Variants in CHRM3 observed in about 807,000 individuals in gnomAD.
The protein encoded by CHRM3 is cholinergic receptor muscarinic 3.
CHRM3 carries 11 observed loss-of-function variants against 41.8 expected under a neutral mutation model. That is an observed-to-expected ratio of 0.26 (90% CI 0.17 to 0.44). CHRM3 has a LOEUF of 0.44. Ranked by LOEUF, CHRM3 falls within the 20% of genes least tolerant of loss-of-function variation. CHRM3 has a pLI of 1.00. For missense variants in CHRM3, 571 were observed against 745.4 expected (o/e 0.77, Z 2.72); for synonymous variants, 297 against 301.4 (o/e 0.99, Z 0.15).
intron 2 of CHRM3, among the ~76,000 whole-genome samples, chr1:239,531,484 G>A (rs548433344): frequency 5.3e-5 from 8 of 151,848 alleles, no homozygotes; most frequent in East Asian, 3.9e-4. Context: ...GTTTGATCAC[G>A]TCAATACACA....
At chr1:239,408,972 G>A (rs1336240090) in intron 1 of CHRM3, among the ~76,000 whole-genome samples, 4 of 151,984 alleles carry the variant, frequency 2.6e-5, no homozygotes, top group Admixed American at 6.6e-5. Flanking sequence ...TACATTACTC[G>A]GCTGGTCTCC....
chr1:239,564,383 C>T (rs931037300), intron 3 of CHRM3, among the ~76,000 whole-genome samples: 1 of 151,988 alleles, frequency 6.6e-6, no homozygotes, highest in Non-Finnish European at 1.5e-5. Context: ...TTAAATCACG[C>T]AATTTAAAAT....
intron 4 of CHRM3, among the ~76,000 whole-genome samples, chr1:239,665,521 T>C (rs1673692815): frequency 6.6e-6 from 1 of 152,180 alleles, no homozygotes; most frequent in Admixed American, 6.6e-5. Flanking sequence ...TTTTGGAATG[T>C]TTCTTTTTTA....
chr1:239,438,080 G>C (rs778228490), intron 1 of CHRM3, among the ~76,000 whole-genome samples: 9 of 152,060 alleles, frequency 5.9e-5, no homozygotes, highest in Non-Finnish European at 1.2e-4. Context: ...CTTCTTCACT[G>C]TTATTTCTCT....
intron 6 of CHRM3, among the ~76,000 whole-genome samples, chr1:239,895,290 T>C (rs893966628): frequency 4.0e-5 from 6 of 151,388 alleles, no homozygotes; most frequent in South Asian, 2.1e-4. Context: ...CGAGTGCCAC[T>C]GGGAGAGTTT....
At chr1:239,486,911 C>T (rs1238374579) in intron 1 of CHRM3, among the ~76,000 whole-genome samples, 3 of 152,260 alleles carry the variant, frequency 2.0e-5, no homozygotes, top group East Asian at 3.9e-4. Flanking sequence ...TTTATATCCT[C>T]GCATTCAGTA....
chr1:239,780,395 C>T (rs1462085677), intron 5 of CHRM3, among the ~76,000 whole-genome samples: 3 of 152,110 alleles, frequency 2.0e-5, no homozygotes, highest in Admixed American at 6.5e-5. Context: ...GCATGTTTTC[C>T]TATGTTTCTT....
At chr1:239,462,643 A>G (rs551545315) in intron 1 of CHRM3, among the ~76,000 whole-genome samples, 269 of 152,366 alleles carry the variant, frequency 1.8e-3, no homozygotes, top group African/African-American at 6.2e-3. Context: ...TACAAATACT[A>G]TAAAAGAGAT....
At position 239,908,425 on chromosome 1, in the gene CHRM3, A is replaced by G. The variant is rs868793639; in HGVS notation, c.974A>G (p.Glu325Gly). The change falls in exon 7 of 7, where the codon GAG (glutamate) becomes GGG (glycine). Residue 325 changes from glutamate (E) to glycine (G), a missense_variant. Glu to Gly is a moderately conservative substitution (Grantham distance 98). Around this residue, in one of 5 missense-constraint regions of CHRM3, gnomAD observed 239 missense variants for 239.6 expected, o/e 1.00. Transcript: ENST00000676153. The surrounding 1 kb of genome is among the most constrained non-coding windows in gnomAD (Gnocchi z 7.2). ...FTTKSWKPSS[E>G]QMDQDHSSSD... ...ACCAAGAGCTGGAAACCCAGCTCCG[A>G]GCAGATGGACCAAGACCACAGCAGC... The G allele has an allele frequency of 6.2e-7, 1 of 1,614,052 alleles. No homozygotes were observed. The highest frequency in any genetic ancestry group is 1.6e-4 in the Middle Eastern group (1 of 6,062).
intron 5 of CHRM3, among the ~76,000 whole-genome samples, chr1:239,744,577 C>G (rs1665181074): frequency 6.6e-6 from 1 of 152,118 alleles, no homozygotes; most frequent in African/African-American, 2.4e-5. Context: ...AAAAAGCACT[C>G]AGGTCAGCCG....
intron 2 of CHRM3, among the ~76,000 whole-genome samples, chr1:239,541,494 C>T (rs1266872090): frequency 1.3e-5 from 2 of 151,950 alleles, no homozygotes; most frequent in East Asian, 3.9e-4. Context: ...ATGCTATGTT[C>T]ATTTTTTATT....
intron 2 of CHRM3, among the ~76,000 whole-genome samples, chr1:239,515,566 G>T (rs1782356): frequency 0.48 from 72,487 of 151,924 alleles, 17,915 homozygotes; most frequent in Middle Eastern, 0.65. Flanking sequence ...TATTTCTGAG[G>T]ACTTTAACTT....
At chr1:239,623,603 G>A (rs1241193702) in intron 3 of CHRM3, among the ~76,000 whole-genome samples, 1 of 72,856 alleles carries the variant, frequency 1.4e-5, no homozygotes, top group Non-Finnish European at 2.6e-5. Context: ...ACCCACTAAC[G>A]TGTCATCTAG....
At chr1:239,443,994 C>T (rs1376963589) in intron 1 of CHRM3, among the ~76,000 whole-genome samples, 1 of 152,134 alleles carries the variant, frequency 6.6e-6, no homozygotes, top group African/African-American at 2.4e-5. Context: ...TTAATGCTTA[C>T]CAAAAAAGTA....
intron 6 of CHRM3, among the ~76,000 whole-genome samples, chr1:239,884,956 G>C (rs145667738): frequency 4.3e-4 from 66 of 152,250 alleles, no homozygotes; most frequent in African/African-American, 1.5e-3. Context: ...CATGAGTCAT[G>C]CCGCTGGCCT....
intron 1 of CHRM3, among the ~76,000 whole-genome samples, chr1:239,422,810 C>A (rs12136118): frequency 7.8e-4 from 112 of 144,366 alleles, no homozygotes; most frequent in African/African-American, 2.9e-3. Flanking sequence ...AAAACAAAAA[C>A]AAAAACAAAA....
chr1:239,841,414 G>C (rs1572458061), intron 6 of CHRM3, among the ~76,000 whole-genome samples: 4 of 152,122 alleles, frequency 2.6e-5, no homozygotes, highest in Admixed American at 2.0e-4. Flanking sequence ...GGGATTGACT[G>C]TAGAGTTTCA....
At chr1:239,538,087 A>C (rs1283190223) in intron 2 of CHRM3, among the ~76,000 whole-genome samples, 15 of 152,220 alleles carry the variant, frequency 9.9e-5, no homozygotes, top group Admixed American at 9.2e-4. Flanking sequence ...AGGAAGAAGG[A>C]AAGGAAGAGG....
At chr1:239,561,144 A>C (rs905501426) in intron 3 of CHRM3, among the ~76,000 whole-genome samples, 2 of 151,804 alleles carry the variant, frequency 1.3e-5, no homozygotes, top group African/African-American at 4.8e-5. Context: ...CCGCAGGACC[A>C]CTCTTGTGCT....
Sources: allele counts gnomAD v4.1 joint callset (sites outside exome capture counted in the v4.1 genomes callset), GRCh38; gene constraint gnomAD v4.1.1; regional missense constraint gnomAD v4.1.1; non-coding constraint Gnocchi (gnomAD v3.1); transcripts MANE v1.5; gene names NCBI Gene and HGNC (gene_info 2026-07-23, HGNC 2026-07-21).